Variants in IRAG2 observed in about 807,000 individuals in gnomAD.
The protein encoded by IRAG2 is inositol 1,4,5-triphosphate receptor associated 2.
A neutral mutation model predicts 69.9 loss-of-function variants in IRAG2; 45 were observed. The ratio of observed to expected loss-of-function variants is 0.64; its 90% CI spans 0.51 to 0.83. IRAG2 has a LOEUF of 0.83. IRAG2 is among the 40% of genes least tolerant of loss of function. The pLI, the probability that IRAG2 is intolerant of heterozygous loss-of-function variation, is 0.00. For synonymous variants in IRAG2, 193 were observed against 202.4 expected (o/e 0.95, Z 0.40); for missense variants, 520 against 587.0 (o/e 0.89, Z 1.18).
At position 25,077,319 on chromosome 12, in the gene IRAG2, T is replaced by TATATATATGATATATATATGATATATATG. The variant is rs1946843729; in HGVS notation, c.25-1904_25-1903insTATATATGATATATATGATATATATATGA. On this transcript the variant is annotated intron_variant, in intron 6 of 21. Transcript: ENST00000556887. ...TATGAAATATATATGATATATATGA[T>TATATATATGATATATATATGATATATATG]ATATATATGATATATATATGAAATA... Among the ~76,000 whole-genome samples the TATATATATGATATATATATGATATATATG allele has an allele frequency of 1.4e-4, 4 of 27,710 alleles. 1 individual carries two copies. Among genetic ancestry groups the TATATATATGATATATATATGATATATATG allele is most frequent in the Non-Finnish European group, 3.1e-4 (4 of 12,852 alleles). 18.2% of individuals were successfully genotyped at this position (27,710 alleles called of 152,430 possible).
rs762148637 is a variant in IRAG2, at chr12:25,062,884, C to T, written c.-320C>T. 21 of 398,952 alleles carry T rather than the reference C, an allele frequency of 5.3e-5. No homozygotes were observed. The highest frequency in any genetic ancestry group is 6.6e-5 in the Non-Finnish European group (15 of 226,026). The allele number at this position is 398,952 out of a possible 1,614,324, so 24.7% of individuals were successfully genotyped here. ...TCCTGCGCAGATGCAATTCAACAAC[C>T]TCTTCAAGAAAAATTGGTAATTGCG... is the stretch of plus-strand genomic sequence containing the variant. On this transcript the variant is annotated 5_prime_UTR_variant, in exon 3 of 22. Transcript: ENST00000556887.
At chr12:25,088,328 A>G (rs1042985322) in intron 11 of IRAG2, among the ~76,000 whole-genome samples, 171 bp downstream of exon 11, 1 of 152,214 alleles carries the variant, frequency 6.6e-6, no homozygotes, top group Non-Finnish European at 1.5e-5. Context: ...AAAAAGCCAC[A>G]TTTGCATTGT....
intron 8 of IRAG2, chr12:25,026,740 C>T: frequency 1.1e-6 from 1 of 930,080 alleles, no homozygotes; most frequent in South Asian, 5.4e-5. Context: ...TTGTCCTCAT[C>T]TTTTATTTTT....
rs1308909231 is a variant in IRAG2 at position 25,102,253 on chromosome 12, T to G, written c.933+12T>G. On this transcript the variant is annotated intron_variant, in intron 17 of 21. Coordinates refer to ENST00000556887, the MANE Select transcript of IRAG2 (RefSeq NM_001366544.2). ...CTCTAAACTCCAAGGTAATTACTAA[T>G]TCACTTAACAAATGTCTAGCAAATA... 1.0e-5 allele frequency: 16 copies of G among 1,606,680 alleles called. No individual in the cohort carries two copies. Among genetic ancestry groups the G allele is most frequent in the Non-Finnish European group, 1.4e-5 (16 of 1,174,412 alleles).
intron 9 of IRAG2, among the ~76,000 whole-genome samples, chr12:25,080,501 G>A (rs1223209993): frequency 6.6e-5 from 10 of 151,798 alleles, no homozygotes; most frequent in South Asian, 2.1e-4. Flanking sequence ...ACAGGTGCCC[G>A]CCACCACGCC....
At chr12:25,062,019 G>T (rs1375246632) in intron 2 of IRAG2, among the ~76,000 whole-genome samples, 1 of 152,120 alleles carries the variant, frequency 6.6e-6, no homozygotes, top group Non-Finnish European at 1.5e-5. Context: ...GAGTATTCTT[G>T]AATAGGCTTT....
chr12:25,105,062 T>C (rs1026827999), intron 20 of IRAG2, among the ~76,000 whole-genome samples: 2 of 147,314 alleles, frequency 1.4e-5, no homozygotes, highest in African/African-American at 5.0e-5. Context: ...CTAACCTTAC[T>C]TGGTCTCAGT....
At chr12:25,031,599 AAC>A (rs1163938053) in intron 10 of IRAG2, among the ~76,000 whole-genome samples, 3 of 152,178 alleles carry the variant, frequency 2.0e-5, no homozygotes, top group African/African-American at 7.2e-5. Context: ...GGGTCAGACA[AAC>A]ACAGATTATA....
At chr12:25,011,411 A>G in exon 3 of IRAG2, 1 of 1,231,720 alleles carries the variant, frequency 8.1e-7, no homozygotes, top group Non-Finnish European at 1.0e-6. Flanking sequence ...TCCTGAGACA[A>G]ACAACTAGCC....
intron 1 of IRAG2, among the ~76,000 whole-genome samples, chr12:25,054,930 C>T (rs569389294): frequency 2.0e-5 from 3 of 152,330 alleles, no homozygotes; most frequent in South Asian, 2.1e-4. Context: ...CACACAAACA[C>T]GTCCACGCAC....
At chr12:25,028,023 C>T (rs1225109940) in intron 9 of IRAG2, among the ~76,000 whole-genome samples, 1 of 152,132 alleles carries the variant, frequency 6.6e-6, no homozygotes, top group African/African-American at 2.4e-5. Context: ...CCTCCAGGTT[C>T]AAGGGATCCT....
At chr12:25,009,707 GC>G (rs1944459851) in intron 2 of IRAG2, among the ~76,000 whole-genome samples, 1 of 152,260 alleles carries the variant, frequency 6.6e-6, no homozygotes, top group South Asian at 2.1e-4. Flanking sequence ...AAGTCCACAG[GC>G]CTAAGAACCA....
chr12:25,100,025 A>AAAAAAAAAAAAC, intron 15 of IRAG2, among the ~76,000 whole-genome samples: 1 of 138,038 alleles, frequency 7.2e-6, no homozygotes, highest in Non-Finnish European at 1.6e-5. Context: ...AAAAAAAAAA[A>AAAAAAAAAAAAC]TGGGCAAAAG....
chr12:25,107,028 T>C lies in IRAG2; in HGVS notation c.1234T>C (p.Ser412Pro), dbSNP rs1949206287. ...PSLSEKKNNP[S>P]KWDVSSVYDT... The stretch of plus-strand genomic sequence containing the variant: ...TCTTTCTGAAAAGAAAAATAATCCA[T>C]CAAAGTGGGATGTCTCTTCAGTGTA... The change falls in exon 21 of 22, where the codon TCA becomes CCA. Residue 412 changes from serine to proline, a missense_variant. Transcript: ENST00000556887. 6.2e-7 allele frequency: 1 copy of C among 1,601,290 alleles called. No homozygotes were observed. Among genetic ancestry groups the C allele is most frequent in the Non-Finnish European group, 8.5e-7 (1 of 1,171,160 alleles).
chr12:25,015,112 A>AAT, intron 3 of IRAG2: 6 of 359,392 alleles, frequency 1.7e-5, no homozygotes, highest in African/African-American at 2.7e-5. Context: ...AAAAAAAAAA[A>AAT]GACAAAACTT....
intron 15 of IRAG2, chr12:25,100,840 T>TA (rs1948713945): frequency 6.1e-6 from 1 of 165,078 alleles, no homozygotes; most frequent in East Asian, 1.6e-4. Flanking sequence ...TTTTTTTTTT[T>TA]ACACAGACTT....
At position 25,085,458 on chromosome 12, in the gene IRAG2, C is replaced by G. The variant is rs893374132; in HGVS notation, c.315+1965C>G. Among the ~76,000 whole-genome samples the G allele has an allele frequency of 3.9e-5, 6 of 152,222 alleles. No homozygotes were observed. In the South Asian group the frequency reaches 1.0e-3, roughly 26 times the overall value. On this transcript the variant is annotated intron_variant, in intron 10 of 21. Coordinates refer to ENST00000556887, the MANE Select transcript of IRAG2 (RefSeq NM_001366544.2). ...CATCCAGACATCCCCCCTCTTCTCT[C>G]TTTCTCTGCCATGTCATTCCACTAT... is the stretch of plus-strand genomic sequence containing the variant.
At chr12:25,003,394 T>C (rs967560827), upstream of IRAG2, among the ~76,000 whole-genome samples, 4 of 152,166 alleles carry the variant, frequency 2.6e-5, no homozygotes, top group African/African-American at 9.7e-5. Context: ...TTGCCCAGGC[T>C]GGAGTACCTG....
chr12:25,107,889 C>G lies in IRAG2; in HGVS notation c.1329C>G (p.Leu443=). The G allele has an allele frequency of 6.2e-7, 1 of 1,614,202 alleles. No homozygotes were observed. Among genetic ancestry groups the G allele is most frequent in the Non-Finnish European group, 8.5e-7 (1 of 1,180,020 alleles). The change falls in exon 22 of 22, where the codon CTC becomes CTG. Residue 443 remains leucine (L), a synonymous_variant. Transcript: ENST00000556887. ...SIRKANKALW[L]SIAFIVLFAA... is the part of the protein sequence containing the mutation. ...GAAAGGCTAATAAGGCCCTCTGGCT[C>G]TCTATTGCATTCATTGTACTGTTTG...
Sources: allele counts gnomAD v4.1 joint callset (sites outside exome capture counted in the v4.1 genomes callset), GRCh38; gene constraint gnomAD v4.1.1; transcripts MANE v1.5; gene names NCBI Gene and HGNC (gene_info 2026-07-23, HGNC 2026-07-21).